Variants in JAKMIP3 observed in about 807,000 individuals in gnomAD.
JAKMIP3 encodes Janus kinase and microtubule interacting protein 3.
In JAKMIP3, 58 loss-of-function variants were observed where a neutral mutation model predicts 118.5. The ratio of observed to expected loss-of-function variants is 0.49; its 90% CI spans 0.40 to 0.61. JAKMIP3 has a LOEUF of 0.61. JAKMIP3 is among the 20% of genes least tolerant of loss of function. JAKMIP3 has a pLI of 0.00. For synonymous variants in JAKMIP3, 486 were observed against 451.2 expected (o/e 1.08, Z -0.98); for missense variants, 950 against 1,109.0 (o/e 0.86, Z 2.04).
At chr10:132,126,375 T>C (rs1232886378) in intron 3 of JAKMIP3, among the ~76,000 whole-genome samples, 1 of 151,762 alleles carries the variant, frequency 6.6e-6, no homozygotes, top group African/African-American at 2.4e-5. Flanking sequence ...AGATCACAGC[T>C]AACTGCAGCC....
Position 132,132,384 on chromosome 10 carries a change from G to A in JAKMIP3, c.634-928G>A, listed in dbSNP as rs192112056. Among the ~76,000 whole-genome samples the A allele has an allele frequency of 4.3e-3, 662 of 152,256 alleles. 5 individuals carry two copies. The highest frequency in any genetic ancestry group is 0.015 in the African/African-American group (623 of 41,544). ...CGTGGAAAATGATGCCCAAAGTGCC[G>A]AGCGTGTCTGTCTGAAGAGCGGGGG... On this transcript the variant is annotated intron_variant, in intron 3 of 23. Coordinates refer to ENST00000684848, the MANE Select transcript of JAKMIP3 (RefSeq NM_001323087.2).
At chr10:132,148,427 G>A (rs552051464) in intron 14 of JAKMIP3, among the ~76,000 whole-genome samples, 3 of 151,980 alleles carry the variant, frequency 2.0e-5, no homozygotes, top group Admixed American at 2.0e-4. Flanking sequence ...CCTGTGGGGT[G>A]AGGAGCTGGC....
intron 23 of JAKMIP3, among the ~76,000 whole-genome samples, chr10:132,175,835 GAA>G (rs2060090367): frequency 6.6e-6 from 1 of 152,210 alleles, no homozygotes; most frequent in Non-Finnish European, 1.5e-5. Flanking sequence ...TCACTTAAAA[GAA>G]ATGTGTAATG....
chr10:132,088,759 G>A (rs1267615766), intron 1 of JAKMIP3, among the ~76,000 whole-genome samples: 1 of 152,164 alleles, frequency 6.6e-6, no homozygotes, highest in Non-Finnish European at 1.5e-5. Flanking sequence ...TGCTTTTGGT[G>A]TTTTAGACAT....
intron 23 of JAKMIP3, among the ~76,000 whole-genome samples, chr10:132,175,713 G>C (rs542426352): frequency 9.8e-5 from 15 of 152,306 alleles, no homozygotes; most frequent in African/African-American, 3.1e-4. Context: ...CCATGCTGCT[G>C]CTGGAGATGA....
chr10:132,120,753 G>A (rs900035890), intron 3 of JAKMIP3, among the ~76,000 whole-genome samples: 1 of 152,202 alleles, frequency 6.6e-6, no homozygotes, highest in Non-Finnish European at 1.5e-5. Flanking sequence ...TAACTGACAA[G>A]GGTCCCAGGA....
At chr10:132,136,573 G>T (rs1028330905) in intron 6 of JAKMIP3, among the ~76,000 whole-genome samples, 2 of 152,238 alleles carry the variant, frequency 1.3e-5, no homozygotes, top group African/African-American at 4.8e-5. Context: ...TGAAGCCAGA[G>T]TTTACTCAAT....
At chr10:132,047,897 C>T (rs1020536755) in intron 1 of JAKMIP3, among the ~76,000 whole-genome samples, 4 of 152,050 alleles carry the variant, frequency 2.6e-5, no homozygotes, top group African/African-American at 9.6e-5. Flanking sequence ...CGCGAGCTGA[C>T]GGTGCATGGA....
chr10:132,141,532 C>T (rs999777980), intron 10 of JAKMIP3, among the ~76,000 whole-genome samples: 6 of 152,190 alleles, frequency 3.9e-5, no homozygotes, highest in Admixed American at 1.3e-4. Context: ...TTCAGCAGAG[C>T]AGAGCGTGTG....
In JAKMIP3 at chr10:132,118,674, C is replaced by A. The variant is rs1037068932; in HGVS notation, c.633+1100C>A. Among the ~76,000 whole-genome samples the A allele has an allele frequency of 6.6e-6, 1 of 152,212 alleles. No homozygotes were observed. Among genetic ancestry groups the A allele is most frequent in the Non-Finnish European group, 1.5e-5 (1 of 68,030 alleles). The stretch of plus-strand genomic sequence containing the variant: ...CCTCGCCACAGTGTACACGTGGGTG[C>A]CCCCAAACGTGCCTAACCCGGGTGA... On this transcript the variant is annotated intron_variant, in intron 3 of 23. Transcript: ENST00000684848. The surrounding 1 kb of genome is among the most constrained non-coding windows in gnomAD (Gnocchi z 4.8).
chr10:132,045,487 G>A (rs1198819254), intron 1 of JAKMIP3, among the ~76,000 whole-genome samples: 13 of 152,206 alleles, frequency 8.5e-5, no homozygotes, highest in Admixed American at 8.5e-4. Context: ...AAGGGCACAT[G>A]TGGTTGTGCT....
At chr10:132,178,433 G>GA (rs146800460) in intron 23 of JAKMIP3, among the ~76,000 whole-genome samples, 11,918 of 152,248 alleles carry the variant, frequency 0.078, 526 homozygotes, top group Middle Eastern at 0.13. Context: ...AGAGCTTCAA[G>GA]AAAAAAATAC....
At chr10:132,162,580 G>T (rs76335882) in intron 19 of JAKMIP3, among the ~76,000 whole-genome samples, 19,720 of 152,192 alleles carry the variant, frequency 0.13, 1,448 homozygotes, top group Non-Finnish European at 0.15. Context: ...AAAAGCATTT[G>T]TTTCCATTTC....
intron 1 of JAKMIP3, among the ~76,000 whole-genome samples, chr10:132,043,418 C>T (rs1251025715): frequency 6.6e-6 from 1 of 152,124 alleles, no homozygotes; most frequent in East Asian, 1.9e-4. Flanking sequence ...CAAATCTGCA[C>T]TGTACCTTTT....
intron 1 of JAKMIP3, among the ~76,000 whole-genome samples, chr10:132,047,456 G>A (rs1278943034): frequency 6.6e-6 from 1 of 152,216 alleles, no homozygotes; most frequent in Non-Finnish European, 1.5e-5. Context: ...ATCATTAAAA[G>A]GACCTGCATA....
chr10:132,133,420 G>T lies in JAKMIP3; in HGVS notation c.742G>T (p.Glu248Ter). 6.3e-7 allele frequency: 1 copy of T among 1,594,828 alleles called. No homozygotes were observed. Among genetic ancestry groups the T allele is most frequent in the South Asian group, 1.1e-5 (1 of 87,636 alleles). Residue 248 changes from glutamate (E) to a stop codon, truncating the protein, a stop_gained, in exon 4 of 24, where the codon GAG becomes TAG. Coordinates refer to ENST00000684848, the MANE Select transcript of JAKMIP3 (RefSeq NM_001323087.2). LOFTEE classifies it high-confidence loss of function. Reference protein sequence around the residue: ...RLQLQKEALDEQLSQVREADR... With the variant: ...RLQLQKEALD ...GCAGCTCCAAAAAGAGGCTCTAGAT[G>T]AGCAGCTGTCCCAGGTCCGAGAGGC...
chr10:132,062,086 A>G (rs562103594), upstream of JAKMIP3, among the ~76,000 whole-genome samples: 37 of 152,172 alleles, frequency 2.4e-4, no homozygotes, highest in African/African-American at 8.7e-4. Flanking sequence ...AGAGCCATGG[A>G]TGATGAGCAC....
Position 132,042,896 on chromosome 10 carries a change from C to T in JAKMIP3, c.-138+6158C>T, listed in dbSNP as rs1325979498. Among the ~76,000 whole-genome samples, 5 of 150,730 alleles carry T rather than the reference C, an allele frequency of 3.3e-5. No individual in the cohort carries two copies. In the East Asian group the frequency reaches 9.8e-4, roughly 29 times the overall value. On this transcript the variant is annotated intron_variant, in intron 1 of 23. Transcript: ENST00000657785. Reference sequence around the variant, plus strand: ...CTTGAATCTAAGAGTTCGAGACCAGCCTGGGCATCATGGCAAGACCCCATG... The same window carrying T: ...CTTGAATCTAAGAGTTCGAGACCAGTCTGGGCATCATGGCAAGACCCCATG...
chr10:132,115,257 G>C (rs192096968), intron 2 of JAKMIP3, among the ~76,000 whole-genome samples: 10 of 97,510 alleles, frequency 1.0e-4, no homozygotes, highest in African/African-American at 3.3e-4. Context: ...GGTCACCCTG[G>C]TGGGTCACCG....
Sources: allele counts gnomAD v4.1 joint callset (sites outside exome capture counted in the v4.1 genomes callset), GRCh38; gene constraint gnomAD v4.1.1; non-coding constraint Gnocchi (gnomAD v3.1); transcripts MANE v1.5; gene names NCBI Gene and HGNC (gene_info 2026-07-23, HGNC 2026-07-21).